Variants in IWS1 observed in about 807,000 individuals in gnomAD.
IWS1 encodes the protein interacts with SUPT6H, CTD assembly factor 1, also known as protein IWS1 homolog.
In IWS1, 27 loss-of-function variants were observed where a neutral mutation model predicts 86.7. The observed-to-expected ratio is 0.31, with a 90% CI of 0.23 to 0.43. The LOEUF (loss-of-function observed/expected upper bound fraction) is 0.43. Ranked by LOEUF, IWS1 falls within the 20% of genes least tolerant of loss-of-function variation. The pLI is 1.00. For synonymous variants in IWS1, 313 were observed against 335.1 expected (o/e 0.93, Z 0.72); for missense variants, 827 against 1,000.8 (o/e 0.83, Z 2.34).
intron 9 of IWS1, 45 bp from the exon 10 acceptor site, chr2:127,492,133 T>C: frequency 7.9e-7 from 1 of 1,265,150 alleles, no homozygotes; most frequent in Non-Finnish European, 1.2e-6. Flanking sequence ...ACTCGGAAGC[T>C]GGGGGTCTTG....
Position 127,526,334 on chromosome 2 carries a change from C to A in IWS1, c.-126G>T. 1 of 1,538,984 alleles carries A rather than the reference C, an allele frequency of 6.5e-7. No homozygotes were observed. Among genetic ancestry groups the A allele is most frequent in the Non-Finnish European group, 8.7e-7 (1 of 1,146,706 alleles). On this transcript the variant is annotated 5_prime_UTR_variant, in exon 1 of 14. Coordinates refer to ENST00000295321, the MANE Select transcript of IWS1 (RefSeq NM_017969.3). The stretch of plus-strand genomic sequence containing the variant: ...ACTGCCGCCCGACCGGAGAACTTAA[C>A]GGGTGCGGAGGGTAAGAAAGCGGTA...
intron 3 of IWS1, 105 bp from the exon 4 acceptor site, chr2:127,503,681 T>C (rs1439028893): frequency 6.1e-6 from 2 of 329,442 alleles, no homozygotes; most frequent in Non-Finnish European, 5.0e-6. Flanking sequence ...AATAAATAAA[T>C]AAATAAATAA....
At chr2:127,517,691 T>C (rs1257968237) in intron 2 of IWS1, among the ~76,000 whole-genome samples, 4 of 152,152 alleles carry the variant, frequency 2.6e-5, no homozygotes, top group Admixed American at 6.5e-5. Context: ...CACACAGAAT[T>C]ACGTTATGAG....
intron 2 of IWS1, among the ~76,000 whole-genome samples, chr2:127,512,681 A>G (rs1691535785): frequency 6.6e-6 from 1 of 152,168 alleles, no homozygotes. Flanking sequence ...GTCAGCTGAA[A>G]TATCTTGGCT....
chr2:127,483,571 C>CG (rs1419283644), intron 13 of IWS1, among the ~76,000 whole-genome samples: 6,222 of 20,082 alleles, frequency 0.31, 1,847 homozygotes, highest in Non-Finnish European at 0.39. Context: ...ATAATTTGGT[C>CG]GGGGCGGGGG....
At chr2:127,497,954 C>G (rs1192618143) in intron 6 of IWS1, among the ~76,000 whole-genome samples, 186 bp downstream of exon 6, 1 of 152,118 alleles carries the variant, frequency 6.6e-6, no homozygotes, top group East Asian at 1.9e-4. Context: ...CATCTGAGCA[C>G]AGGGTAAATG....
At chr2:127,493,163 C>T in intron 9 of IWS1, 118 bp downstream of exon 9, 2 of 935,998 alleles carry the variant, frequency 2.1e-6, no homozygotes, top group Non-Finnish European at 3.0e-6. Flanking sequence ...TTTCCAACCC[C>T]TCTTCTGGCA....
chr2:127,526,407 G>T lies in IWS1; in HGVS notation c.-199C>A. 6.5e-7 allele frequency: 1 copy of T among 1,535,986 alleles called. No individual in the cohort carries two copies. Among genetic ancestry groups the T allele is most frequent in the East Asian group, 2.4e-5 (1 of 40,824 alleles). The stretch of plus-strand genomic sequence containing the variant: ...CCTGGAAGCCCCGGCGGAAAAGGCC[G>T]TACCCGGCAGGCTGGCGGGCGGGCA... On this transcript the variant is annotated 5_prime_UTR_variant, in exon 1 of 14. Coordinates refer to ENST00000295321, the MANE Select transcript of IWS1 (RefSeq NM_017969.3).
chr2:127,521,358 T>C (rs935409477), intron 2 of IWS1, among the ~76,000 whole-genome samples: 5 of 152,208 alleles, frequency 3.3e-5, no homozygotes, highest in Non-Finnish European at 2.9e-5. Context: ...GGATAAATAA[T>C]GTGAAAAGGC....
In IWS1 at chr2:127,481,164, G is replaced by A. The variant is rs1489849115; in HGVS notation, c.2340C>T (p.Thr780=). Residue 780 remains threonine (T), a synonymous_variant, in exon 14 of 14, where the codon ACC becomes ACT. Transcript: ENST00000295321. ...VEMESSRFQA[T]SKKGISRLDK... Reference sequence around the variant, plus strand: ...CCAGTCGACTGATACCCTTCTTGGAGGTCGCCTGAAACTAAGAGTAAGGGA... The same window carrying A: ...CCAGTCGACTGATACCCTTCTTGGAAGTCGCCTGAAACTAAGAGTAAGGGA... 5 of 1,598,576 alleles carry A rather than the reference G, an allele frequency of 3.1e-6. No homozygotes were observed. In the East Asian group the frequency reaches 1.1e-4, roughly 36 times the overall value.
intron 2 of IWS1, among the ~76,000 whole-genome samples, chr2:127,515,504 G>A (rs954923470): frequency 1.3e-5 from 2 of 152,174 alleles, no homozygotes; most frequent in African/African-American, 4.8e-5. Context: ...TGCGCTAACA[G>A]ACAAGAGAAG....
intron 6 of IWS1, among the ~76,000 whole-genome samples, chr2:127,497,308 T>C (rs334149): frequency 0.19 from 29,599 of 152,156 alleles, 5,939 homozygotes; most frequent in African/African-American, 0.51. Flanking sequence ...ATGCAGGGGA[T>C]TCATTCAGCT....
Position 127,518,709 on chromosome 2 carries a change from G to A in IWS1, c.150+4967C>T, listed in dbSNP as rs867588067. ...GCCTCCCGAGTAGCTGGGATTATAG[G>A]AGCCTGTCACCACGCCTGGCTAATT... On this transcript the variant is annotated intron_variant, in intron 2 of 13. Coordinates refer to ENST00000295321, the MANE Select transcript of IWS1 (RefSeq NM_017969.3). Among the ~76,000 whole-genome samples, 5 of 152,022 alleles carry A rather than the reference G, an allele frequency of 3.3e-5. No homozygotes were observed. In the Middle Eastern group the frequency reaches 0.014, roughly 414 times the overall value.
Position 127,496,029 on chromosome 2 carries a change from G to A in IWS1, c.1685C>T (p.Ala562Val), listed in dbSNP as rs1690492348. 1 of 1,613,218 alleles carries A rather than the reference G, an allele frequency of 6.2e-7. No homozygotes were observed. Among genetic ancestry groups the A allele is most frequent in the Non-Finnish European group, 8.5e-7 (1 of 1,179,678 alleles). The change falls in exon 7 of 14, where the codon GCC becomes GTC. Residue 562 changes from alanine (A) to valine (V), a missense_variant. By Grantham distance (64) the Ala-to-Val change is moderately conservative. Around this residue, in one of 2 missense-constraint regions of IWS1, gnomAD observed 279 missense variants for 440.6 expected, o/e 0.63. Coordinates refer to ENST00000295321, the MANE Select transcript of IWS1 (RefSeq NM_017969.3). ...FISDADDVVS[A>V]MIVKMNEAAE... Reference sequence around the variant, plus strand: ...AGCTTCATTCATCTTGACGATCATGGCACTCACGACGTCGTCTGCATCACT... The same window carrying A: ...AGCTTCATTCATCTTGACGATCATGACACTCACGACGTCGTCTGCATCACT...
chr2:127,513,666 TG>T (rs929128863), intron 2 of IWS1, among the ~76,000 whole-genome samples: 1 of 152,224 alleles, frequency 6.6e-6, no homozygotes, highest in African/African-American at 2.4e-5. Context: ...AGTTAGCTCT[TG>T]CATGCTTATA....
In IWS1 at chr2:127,493,426, T is replaced by G; in HGVS notation, c.1800-16A>C. Reference sequence around the variant, plus strand: ...AAGGTCCTGCCTGCAGTAACAATAATTTTTAAAAATTCTGTGAACCTTGGT... The same window carrying G: ...AAGGTCCTGCCTGCAGTAACAATAAGTTTTAAAAATTCTGTGAACCTTGGT... On this transcript the variant is annotated splice_polypyrimidine_tract_variant and intron_variant, in intron 8 of 13. Coordinates refer to ENST00000295321, the MANE Select transcript of IWS1 (RefSeq NM_017969.3). 1 of 1,582,712 alleles carries G rather than the reference T, an allele frequency of 6.3e-7. No homozygotes were observed. The highest frequency in any genetic ancestry group is 8.5e-7 in the Non-Finnish European group (1 of 1,170,838).
intron 6 of IWS1, 40 bp from the exon 7 acceptor site, chr2:127,496,188 T>G (rs1690503132): frequency 6.3e-7 from 1 of 1,580,046 alleles, no homozygotes; most frequent in Admixed American, 1.9e-5. Flanking sequence ...ACAAGTTGTC[T>G]TTTAAATACA....
At chr2:127,512,778 C>CGGTATACA (rs1691541540) in intron 2 of IWS1, among the ~76,000 whole-genome samples, 1 of 152,194 alleles carries the variant, frequency 6.6e-6, no homozygotes, top group Admixed American at 6.5e-5. Flanking sequence ...ATTTATAGGT[C>CGGTATACA]TGCCGCACCC....
At chr2:127,490,018 T>C (rs758642185) in intron 10 of IWS1, 75 bp from the exon 11 acceptor site, 31 of 791,372 alleles carry the variant, frequency 3.9e-5, no homozygotes, top group Non-Finnish European at 6.4e-5. Flanking sequence ...TGCACCCCAG[T>C]GTGAGGGGAT....
Sources: allele counts gnomAD v4.1 joint callset (sites outside exome capture counted in the v4.1 genomes callset), GRCh38; gene constraint gnomAD v4.1.1; regional missense constraint gnomAD v4.1.1; transcripts MANE v1.5; gene names NCBI Gene and HGNC (gene_info 2026-07-23, HGNC 2026-07-21).